Variants in CFAP57 observed in about 807,000 individuals in gnomAD.
CFAP57 encodes the protein cilia and flagella associated protein 57.
A neutral mutation model predicts 146.8 loss-of-function variants in CFAP57; 116 were observed. That is an observed-to-expected ratio of 0.79 (90% CI 0.68 to 0.92). The LOEUF (loss-of-function observed/expected upper bound fraction) is 0.92. Among genes scored for constraint, CFAP57 ranks in the 40% least tolerant of loss-of-function variants. The probability of loss-of-function intolerance (pLI) is 0.00; values close to 1 mark genes in which losing one functional copy is unlikely to be tolerated. For synonymous variants in CFAP57, 518 were observed against 552.8 expected (o/e 0.94, Z 0.88); for missense variants, 1,377 against 1,527.2 (o/e 0.90, Z 1.64).
chr1:43,253,632 C>T (rs1646374155), intron 22 of CFAP57, among the ~76,000 whole-genome samples: 1 of 151,966 alleles, frequency 6.6e-6, no homozygotes, highest in African/African-American at 2.4e-5. Context: ...CAGAAGCCAA[C>T]ATAGGTCAGG....
rs139868714 is a variant in CFAP57 at position 43,224,558 on chromosome 1, G to A, written c.2865+354G>A. On this transcript the variant is annotated intron_variant, in intron 17 of 22. Transcript: ENST00000372492. The stretch of plus-strand genomic sequence containing the variant: ...CACTGCTCCAGGCATCCTTGGAGGC[G>A]CTTCCCCATGGGCTGGGGACAGCTC... Among the ~76,000 whole-genome samples, 1,484 of 152,320 alleles carry A rather than the reference G, an allele frequency of 9.7e-3. 12 individuals carry two copies. Among genetic ancestry groups the A allele is most frequent in the Admixed American group, 0.024 (367 of 15,302 alleles).
chr1:43,234,216 G>A (rs1645591740), intron 19 of CFAP57, 63 bp from the exon 20 acceptor site: 17 of 1,444,976 alleles, frequency 1.2e-5, no homozygotes, highest in Middle Eastern at 1.8e-4. Context: ...ACCTCTGCCT[G>A]CAGCCCCCGC....
At chr1:43,216,170 C>A (rs1377148855) in intron 12 of CFAP57, among the ~76,000 whole-genome samples, 1 of 152,208 alleles carries the variant, frequency 6.6e-6, no homozygotes, top group Non-Finnish European at 1.5e-5. Flanking sequence ...TTATTGAACA[C>A]CTACCATTTG....
Position 43,183,776 on chromosome 1 carries a change from C to A in CFAP57, c.660C>A (p.Leu220=), listed in dbSNP as rs1434348537. 6.2e-7 allele frequency: 1 copy of A among 1,614,212 alleles called. No homozygotes were observed. Among genetic ancestry groups the A allele is most frequent in the Admixed American group, 1.7e-5 (1 of 60,024 alleles). The part of the protein sequence containing the change: ...KIVVGTDTGK[L]FLFESGDQRW... ...TCGTTGGCACTGACACAGGCAAACT[C>A]TTCCTCTTTGAATCTGGAGATCAGC... Residue 220 remains leucine (L), a synonymous_variant, in exon 4 of 23, where the codon CTC becomes CTA. Transcript: ENST00000372492.
chr1:43,252,738 A>G, intron 22 of CFAP57, among the ~76,000 whole-genome samples: 1 of 152,250 alleles, frequency 6.6e-6, no homozygotes, highest in East Asian at 1.9e-4. Flanking sequence ...AAATAAGACA[A>G]AAAAGCAAAA....
intron 18 of CFAP57, 22 bp from the exon 19 acceptor site, chr1:43,232,485 CT>C: frequency 6.5e-7 from 1 of 1,536,808 alleles, no homozygotes. Context: ...TTCTTCTTGA[CT>C]CTTTTCCCTT....
intron 6 of CFAP57, among the ~76,000 whole-genome samples, chr1:43,194,021 TA>T (rs1274016440): frequency 1.3e-5 from 2 of 152,112 alleles, no homozygotes; most frequent in Non-Finnish European, 2.9e-5. Context: ...ATGAAATATA[TA>T]TTTATATTGT....
At chr1:43,210,296 C>T in intron 11 of CFAP57, 1 of 1,432,694 alleles carries the variant, frequency 7.0e-7, no homozygotes, top group Non-Finnish European at 9.1e-7. Flanking sequence ...TGGCCCCTAC[C>T]TCTCCCTGAG....
intron 22 of CFAP57, 77 bp from the exon 23 acceptor site, chr1:43,253,900 C>T: frequency 7.7e-7 from 1 of 1,292,556 alleles, no homozygotes; most frequent in Admixed American, 2.1e-5. Flanking sequence ...TTTGAGGAAG[C>T]AGGGAGGGAG....
chr1:43,241,660 C>A (rs1645927481), intron 21 of CFAP57, among the ~76,000 whole-genome samples: 1 of 152,204 alleles, frequency 6.6e-6, no homozygotes, highest in African/African-American at 2.4e-5. Flanking sequence ...TACAGACCCT[C>A]AGGTGCTTTG....
At chr1:43,193,166 C>T (rs1388612047) in intron 6 of CFAP57, among the ~76,000 whole-genome samples, 1 of 152,160 alleles carries the variant, frequency 6.6e-6, no homozygotes, top group Non-Finnish European at 1.5e-5. Context: ...TTTGCCTGAT[C>T]TTACTGTAAC....
At chr1:43,248,254 T>C (rs1250388005) in intron 22 of CFAP57, among the ~76,000 whole-genome samples, 1 of 150,462 alleles carries the variant, frequency 6.6e-6, no homozygotes, top group Non-Finnish European at 1.5e-5. Flanking sequence ...TACCAAAAAA[T>C]ATATCTTCAT....
intron 2 of CFAP57, among the ~76,000 whole-genome samples, chr1:43,179,029 G>GC (rs991616000): frequency 2.0e-5 from 3 of 152,016 alleles, no homozygotes; most frequent in African/African-American, 7.3e-5. Context: ...GCAAACTGTC[G>GC]CAAGGACAAA....
Position 43,198,475 on chromosome 1 carries a change from T to C in CFAP57, c.1263-6T>C, listed in dbSNP as rs368509280. Reference sequence around the variant, plus strand: ...CTTACAATTCAGTAATTGATCTTTTTCACAGCACCCTGGAACTATTTAAGG... The same window carrying C: ...CTTACAATTCAGTAATTGATCTTTTCCACAGCACCCTGGAACTATTTAAGG... On this transcript the variant is annotated splice_polypyrimidine_tract_variant and splice_region_variant and intron_variant, in intron 7 of 22. Coordinates refer to ENST00000372492, the MANE Select transcript of CFAP57 (RefSeq NM_001378189.1). The C allele has an allele frequency of 6.2e-7, 1 of 1,613,870 alleles. No homozygotes were observed. The highest frequency in any genetic ancestry group is 8.5e-7 in the Non-Finnish European group (1 of 1,179,990).
At chr1:43,210,384 G>T in intron 11 of CFAP57, 1 of 1,262,440 alleles carries the variant, frequency 7.9e-7, no homozygotes, top group Non-Finnish European at 1.0e-6. Context: ...TTCTCATAAA[G>T]TAGTATCTAT....
At chr1:43,235,859 T>G (rs575065137) in intron 21 of CFAP57, among the ~76,000 whole-genome samples, 1 of 152,250 alleles carries the variant, frequency 6.6e-6, no homozygotes, top group East Asian at 1.9e-4. Flanking sequence ...CCTAGCACCC[T>G]CTGTGCCCTG....
intron 6 of CFAP57, among the ~76,000 whole-genome samples, chr1:43,190,099 A>G (rs1436046221): frequency 6.6e-6 from 1 of 152,168 alleles, no homozygotes; most frequent in Non-Finnish European, 1.5e-5. Flanking sequence ...AGATCATGAC[A>G]TCTGCAATAG....
chr1:43,204,072 A>T (rs777914274), intron 9 of CFAP57, among the ~76,000 whole-genome samples: 5 of 152,106 alleles, frequency 3.3e-5, no homozygotes, highest in African/African-American at 9.7e-5. Context: ...CACAATCTCT[A>T]TTGAGCTATT....
At chr1:43,202,052 AT>A (rs1167114518) in intron 9 of CFAP57, among the ~76,000 whole-genome samples, 1 of 152,212 alleles carries the variant, frequency 6.6e-6, no homozygotes, top group Non-Finnish European at 1.5e-5. Context: ...GAAAACAGCC[AT>A]TTGTTTCATC....
Sources: allele counts gnomAD v4.1 joint callset (sites outside exome capture counted in the v4.1 genomes callset), GRCh38; gene constraint gnomAD v4.1.1; transcripts MANE v1.5; gene names NCBI Gene and HGNC (gene_info 2026-07-23, HGNC 2026-07-21).